Variants in NF1 observed in about 807,000 individuals in gnomAD.
The protein encoded by NF1 is neurofibromin 1.
NF1 carries 122 observed loss-of-function variants against 325.7 expected under a neutral mutation model. The ratio of observed to expected loss-of-function variants is 0.37; its 90% CI spans 0.32 to 0.44. The LOEUF (loss-of-function observed/expected upper bound fraction) is 0.44. Among genes scored for constraint, NF1 ranks in the 20% least tolerant of loss-of-function variants. The pLI is 1.00. For missense variants in NF1, 2,140 were observed against 3,415.4 expected, an observed-to-expected ratio of 0.63 and a Z score of 9.31; for synonymous variants, 1,091 against 1,186.0, an observed-to-expected ratio of 0.92 and a Z score of 1.65.
At chr17:31,304,155 G>T in intron 36 of NF1, 2 of 1,156,766 alleles carry the variant, frequency 1.7e-6, no homozygotes, top group Non-Finnish European at 2.4e-6. Context: ...GATAGTTCCT[G>T]AATAAAAATC....
At chr17:31,284,380 T>G (rs1180480191) in intron 36 of NF1, among the ~76,000 whole-genome samples, 5 of 152,126 alleles carry the variant, frequency 3.3e-5, no homozygotes, top group Non-Finnish European at 7.4e-5. Flanking sequence ...CCCCCCAGGT[T>G]CAAGAGCTTC....
rs2066131277 is a variant in NF1, at chr17:31,181,443, C to G, written c.608C>G (p.Ala203Gly). 1 of 1,613,164 alleles carries G rather than the reference C, an allele frequency of 6.2e-7. No homozygotes were observed. Among genetic ancestry groups the G allele is most frequent in the Non-Finnish European group, 8.5e-7 (1 of 1,179,574 alleles). The change falls in exon 6 of 58, where the codon GCC becomes GGC. Residue 203 changes from alanine to glycine, a missense_variant. By Grantham distance (60) the Ala-to-Gly change is moderately conservative. This residue lies in a region of NF1 where 246 missense variants were observed against 347.8 expected (regional missense o/e 0.71). Transcript: ENST00000358273. Reference sequence around the variant, plus strand: ...CCAGAAACAGCATTTAAATTTAAAGCCCTAAAGAAGGTTGCGCAGTTAGCA... The same window carrying G: ...CCAGAAACAGCATTTAAATTTAAAGGCCTAAAGAAGGTTGCGCAGTTAGCA... ...LLKETAFKFK[A>G]LKKVAQLAVI...
chr17:31,305,273 C>A (rs1178099869), intron 36 of NF1: 3 of 1,613,898 alleles, frequency 1.9e-6, no homozygotes, highest in Non-Finnish European at 2.5e-6. Context: ...GAGGTGTTGG[C>A]TATTGGTGTT....
chr17:31,257,031 A>AGCAC (rs2067594652), intron 31 of NF1, among the ~76,000 whole-genome samples: 1 of 152,192 alleles, frequency 6.6e-6, no homozygotes, highest in African/African-American at 2.4e-5. Flanking sequence ...GACTGCATGA[A>AGCAC]GCACTACATT....
chr17:31,233,681 A>G (rs750945547), intron 27 of NF1, among the ~76,000 whole-genome samples: 4 of 152,168 alleles, frequency 2.6e-5, no homozygotes, highest in Non-Finnish European at 5.9e-5. Flanking sequence ...TCATATGGCT[A>G]TGTCTCTCTC....
At position 31,095,234 on chromosome 17, in the gene NF1, T is replaced by C. The variant is rs1386772134; in HGVS notation, c.-76T>C. ...CCTTGCCTCTTCCCTCACCTCAGCC[T>C]CCGCTCCCCGCCCTCTTCCCGGCCC... On this transcript the variant is annotated 5_prime_UTR_variant, in exon 1 of 58. Coordinates refer to ENST00000358273, the MANE Select transcript of NF1 (RefSeq NM_001042492.3). The C allele has an allele frequency of 1.4e-6, 2 of 1,407,080 alleles. No individual in the cohort carries two copies. The highest frequency in any genetic ancestry group is 2.9e-5 in the African/African-American group (2 of 69,124). 87.2% of individuals were successfully genotyped at this position (1,407,080 alleles called of 1,614,324 possible). A position where few individuals can be genotyped will look rare whatever the true frequency, so the allele number is the denominator to read the frequency against.
chr17:31,340,792 A>C, intron 47 of NF1, 147 bp downstream of exon 47: 2 of 798,878 alleles, frequency 2.5e-6, no homozygotes, highest in Non-Finnish European at 3.9e-6. Context: ...ATATTTCCTT[A>C]CCAGCTCATA....
chr17:31,210,440 G>C (rs2905797), intron 12 of NF1, among the ~76,000 whole-genome samples: 106,570 of 151,860 alleles, frequency 0.7, 37,651 homozygotes, highest in Middle Eastern at 0.84. Context: ...AAAAAATTAG[G>C]CAGGCGTGGT....
Position 31,159,149 on chromosome 17 carries a change from C to A in NF1, c.288+56C>A, listed in dbSNP as rs371404781. 3.4e-6 allele frequency: 4 copies of A among 1,187,474 alleles called. No homozygotes were observed. The African/African-American group carries it at 4.5e-5, about 13-fold the overall frequency. The allele number at this position is 1,187,474 out of a possible 1,614,324, so 73.6% of individuals were successfully genotyped here. The stretch of plus-strand genomic sequence containing the variant: ...TTGTGAATTTGATCTTGAGAATGAT[C>A]TTATGTCCCAAAGTACAGATGTGGA... On this transcript the variant is annotated intron_variant, in intron 3 of 57. Coordinates refer to ENST00000358273, the MANE Select transcript of NF1 (RefSeq NM_001042492.3).
At chr17:31,370,084 G>A (rs1450719947) in intron 57 of NF1, among the ~76,000 whole-genome samples, 2 of 151,942 alleles carry the variant, frequency 1.3e-5, no homozygotes, top group Non-Finnish European at 2.9e-5. Flanking sequence ...CTGTGAAGTT[G>A]AACTTAGGAA....
In NF1 at chr17:31,350,267, A is replaced by T. The variant is rs1281096294; in HGVS notation, c.7406A>T (p.Glu2469Val). The T allele has an allele frequency of 6.2e-7, 1 of 1,613,164 alleles. No individual in the cohort carries two copies. The highest frequency in any genetic ancestry group is 1.3e-5 in the African/African-American group (1 of 74,934). ...KSLLLTDISMENVPMDTYPIH... is the reference protein window; with the variant it reads ...KSLLLTDISMVNVPMDTYPIH... ...CTTCTTCTTACTGATATTTCAATGGAAAATGTTCCTATGGATACATATCCC... is the reference window on the plus strand; with the variant it reads ...CTTCTTCTTACTGATATTTCAATGGTAAATGTTCCTATGGATACATATCCC... Residue 2469 changes from glutamate to valine, a missense_variant, in exon 50 of 58, where the codon GAA becomes GTA. Coordinates refer to ENST00000358273, the MANE Select transcript of NF1 (RefSeq NM_001042492.3).
At chr17:31,219,175 A>G (rs2066879944) in intron 14 of NF1, 57 bp downstream of exon 14, 12 of 1,551,398 alleles carry the variant, frequency 7.7e-6, no homozygotes, top group South Asian at 1.2e-5. Context: ...ATGTACATTC[A>G]TGATGTTCCT....
chr17:31,335,295 T>TATATATATATATATATATATATAA (rs2069630412), intron 40 of NF1, among the ~76,000 whole-genome samples: 1 of 128,888 alleles, frequency 7.8e-6, no homozygotes, highest in African/African-American at 3.2e-5. Context: ...TATATATATA[T>TATATATATATATATATATATATAA]AATTATGCCT....
intron 1 of NF1, among the ~76,000 whole-genome samples, chr17:31,098,674 C>T (rs1472883512): frequency 6.6e-6 from 1 of 152,102 alleles, no homozygotes; most frequent in Non-Finnish European, 1.5e-5. Context: ...CGGCTCACGC[C>T]TGTGATCCCA....
At chr17:31,150,370 TAACAC>T (rs1916847751) in intron 1 of NF1, among the ~76,000 whole-genome samples, 1 of 152,172 alleles carries the variant, frequency 6.6e-6, no homozygotes, top group African/African-American at 2.4e-5. Context: ...GCTTAACAGT[TAACAC>T]ACCACGCACC....
intron 1 of NF1, among the ~76,000 whole-genome samples, chr17:31,135,393 T>C (rs1915691177): frequency 6.6e-6 from 1 of 152,170 alleles, no homozygotes; most frequent in Non-Finnish European, 1.5e-5. Flanking sequence ...ATTTCTTAAC[T>C]ATCAATATTT....
At chr17:31,099,323 A>G (rs1233915167) in intron 1 of NF1, among the ~76,000 whole-genome samples, 3 of 152,216 alleles carry the variant, frequency 2.0e-5, no homozygotes, top group Non-Finnish European at 4.4e-5. Context: ...TGTGGGTAAT[A>G]TAAAATTCCT....
At chr17:31,241,347 A>G (rs2067293354) in intron 29 of NF1, among the ~76,000 whole-genome samples, 1 of 152,110 alleles carries the variant, frequency 6.6e-6, no homozygotes, top group South Asian at 2.1e-4. Context: ...ATTTACATTC[A>G]GTGTTATTAT....
At chr17:31,245,747 A>G (rs922847807) in intron 29 of NF1, among the ~76,000 whole-genome samples, 1 of 152,160 alleles carries the variant, frequency 6.6e-6, no homozygotes. Context: ...GTGTTCGGCA[A>G]CCTGGAAGCT....
Sources: gnomAD v4.1 joint callset for allele counts (sites outside exome capture counted in the v4.1 genomes callset) on GRCh38, gnomAD v4.1.1 for gene constraint, gnomAD v4.1.1 regional missense constraint, MANE v1.5 for transcripts, NCBI Gene and HGNC (gene_info 2026-07-23, HGNC 2026-07-21) for gene names.